Variants in ZC3H12B observed in about 807,000 individuals in gnomAD.
ZC3H12B encodes the protein zinc finger CCCH-type containing 12B, also known as probable ribonuclease ZC3H12B.
A neutral mutation model predicts 43.9 loss-of-function variants in ZC3H12B; 7 were observed. The observed-to-expected ratio is 0.16, with a 90% CI of 0.09 to 0.30. The LOEUF is 0.30. Ranked by LOEUF, ZC3H12B falls within the 10% of genes least tolerant of loss-of-function variation. The probability of loss-of-function intolerance (pLI) is 1.00; values close to 1 mark genes in which losing one functional copy is unlikely to be tolerated. For synonymous variants in ZC3H12B, 222 were observed against 241.7 expected (o/e 0.92, Z 0.76); for missense variants, 475 against 670.2 (o/e 0.71, Z 3.22).
chrX:65,436,260 C>T (rs1355098324), intron 3 of ZC3H12B, among the ~76,000 whole-genome samples: 6 of 112,163 alleles, frequency 5.3e-5, no homozygotes, highest in Non-Finnish European at 1.1e-4. Flanking sequence ...TCCCACTAGG[C>T]CCCTCCTCCA....
At chrX:65,451,288 T>G (rs780843681) in intron 3 of ZC3H12B, among the ~76,000 whole-genome samples, 9 of 110,997 alleles carry the variant, frequency 8.1e-5, no homozygotes, top group Non-Finnish European at 1.7e-4. Flanking sequence ...TTATAATTTC[T>G]ATTTCTTTGT....
At chrX:65,243,591 T>C in the ZC3H12B span, among the ~76,000 whole-genome samples, 1 of 111,689 alleles carries the variant, frequency 9.0e-6, no homozygotes, top group Non-Finnish European at 1.9e-5. Context: ...AATAGAATTA[T>C]CATATCATTC....
the ZC3H12B span, among the ~76,000 whole-genome samples, chrX:65,096,543 G>C: frequency 9.0e-6 from 1 of 111,480 alleles, no homozygotes; most frequent in East Asian, 2.8e-4. Context: ...TAATAGACTG[G>C]GTATTGTTGA....
intron 2 of ZC3H12B, among the ~76,000 whole-genome samples, chrX:65,378,480 T>A (rs1161698072): frequency 4.6e-5 from 5 of 109,839 alleles, no homozygotes; most frequent in African/African-American, 6.6e-5. Flanking sequence ...CAAAAAAAAA[T>A]TAAGAAATTA....
rs1423075890 is a variant in ZC3H12B at position 65,371,683 on chromosome X, C to T, written n.295+2685C>T. Among the ~76,000 whole-genome samples the T allele has an allele frequency of 2.7e-5, 3 of 111,872 alleles. No individual in the cohort carries two copies. In the Admixed American group the frequency reaches 2.9e-4, roughly 11 times the overall value. The stretch of plus-strand genomic sequence containing the variant: ...TAAAATATTAATGCATCTTTCAGAG[C>T]TCTAGACATTATGAAAGATTAAAGA... On this transcript the variant is annotated intron_variant and non_coding_transcript_variant, in intron 2 of 5. Coordinates refer to the ZC3H12B transcript ENST00000617377.
chrX:65,422,372 G>A (rs1176134253), intron 3 of ZC3H12B, among the ~76,000 whole-genome samples: 3 of 111,779 alleles, frequency 2.7e-5, no homozygotes, highest in Non-Finnish European at 3.8e-5. Context: ...TAGTTGTTAG[G>A]TGAAATTCTG....
intron 3 of ZC3H12B, among the ~76,000 whole-genome samples, chrX:65,405,174 T>C: frequency 8.9e-6 from 1 of 112,238 alleles, no homozygotes; most frequent in Non-Finnish European, 1.9e-5. Context: ...TACCAAAATC[T>C]ATGGGATACA....
At chrX:65,090,665 G>A in the ZC3H12B span, among the ~76,000 whole-genome samples, 7 of 111,398 alleles carry the variant, frequency 6.3e-5, no homozygotes, top group African/African-American at 2.3e-4. Context: ...AAGGGACTCT[G>A]CAGGTGTCCC....
chrX:65,217,853 A>T, the ZC3H12B span, among the ~76,000 whole-genome samples: 3 of 111,830 alleles, frequency 2.7e-5, no homozygotes, highest in African/African-American at 9.8e-5. Flanking sequence ...CTTAAAGAGG[A>T]TATGGAGAAT....
the ZC3H12B span, among the ~76,000 whole-genome samples, chrX:65,257,469 G>A: frequency 5.6e-3 from 621 of 110,706 alleles, 3 homozygotes; most frequent in Admixed American, 8.7e-3. Flanking sequence ...GGGACCTGGG[G>A]GAGGGATAGC....
At chrX:65,116,480 G>A in the ZC3H12B span, among the ~76,000 whole-genome samples, 6 of 111,330 alleles carry the variant, frequency 5.4e-5, no homozygotes, top group African/African-American at 9.8e-5. Flanking sequence ...GTCAGATAAT[G>A]TGTTGCTTCC....
At chrX:65,076,313 C>A in the ZC3H12B span, among the ~76,000 whole-genome samples, 3 of 110,220 alleles carry the variant, frequency 2.7e-5, no homozygotes, top group African/African-American at 6.6e-5. Flanking sequence ...ATTTTTGTTT[C>A]ACTTTTGTAG....
chrX:65,211,712 T>A, the ZC3H12B span, among the ~76,000 whole-genome samples: 1 of 88,371 alleles, frequency 1.1e-5, no homozygotes, highest in South Asian at 4.7e-4. Context: ...ATATAATATA[T>A]ATTATATATT....
At chrX:65,238,090 C>G in the ZC3H12B span, among the ~76,000 whole-genome samples, 2 of 111,450 alleles carry the variant, frequency 1.8e-5, no homozygotes, top group Middle Eastern at 4.6e-3. Flanking sequence ...AGAGTCCCTC[C>G]TCAATTTTTT....
chrX:65,123,041 C>A, the ZC3H12B span, among the ~76,000 whole-genome samples: 1 of 111,963 alleles, frequency 8.9e-6, no homozygotes, highest in Non-Finnish European at 1.9e-5. Flanking sequence ...TTTGCCCATT[C>A]AGTATGATAT....
At chrX:65,174,044 C>T in the ZC3H12B span, among the ~76,000 whole-genome samples, 2 of 111,525 alleles carry the variant, frequency 1.8e-5, no homozygotes, top group Non-Finnish European at 1.9e-5. Context: ...ACTCCAGAAA[C>T]TGTTTGCCTG....
the ZC3H12B span, among the ~76,000 whole-genome samples, chrX:65,323,528 CT>C: frequency 1.8e-5 from 2 of 112,319 alleles, no homozygotes; most frequent in Non-Finnish European, 3.8e-5. Flanking sequence ...TTAACTCATT[CT>C]TTTTCATGGC....
chrX:65,498,424 G>A (rs1166896335), intron 2 of ZC3H12B, among the ~76,000 whole-genome samples: 1 of 111,624 alleles, frequency 9.0e-6, no homozygotes, highest in Non-Finnish European at 1.9e-5. Context: ...ACAGGCTCTT[G>A]AGCCTCAGTC....
At chrX:65,353,311 A>G in the ZC3H12B span, among the ~76,000 whole-genome samples, 599 of 111,199 alleles carry the variant, frequency 5.4e-3, 2 homozygotes, top group Middle Eastern at 9.1e-3. Flanking sequence ...CTGTTCCCTC[A>G]TATCTCCCCC....
Sources: gnomAD v4.1 joint callset for allele counts (sites outside exome capture counted in the v4.1 genomes callset) on GRCh38, gnomAD v4.1.1 for gene constraint, MANE v1.5 for transcripts, NCBI Gene and HGNC (gene_info 2026-07-23, HGNC 2026-07-21) for gene names.